SNTG1: variants seen among roughly 807,000 people sequenced by gnomAD.
SNTG1 encodes the protein gamma-1-syntrophin.
In SNTG1, 39 loss-of-function variants were observed where a neutral mutation model predicts 74.7. The observed-to-expected ratio is 0.52, with a 90% CI of 0.40 to 0.68. The LOEUF is 0.68. Among genes scored for constraint, SNTG1 ranks in the 30% least tolerant of loss-of-function variants. SNTG1 has a pLI of 0.00. For synonymous variants in SNTG1, 254 were observed against 217.1 expected (o/e 1.17, Z -1.49); for missense variants, 685 against 609.5 (o/e 1.12, Z -1.30).
chr8:49,968,545 A>T (rs1325774566), intron 1 of SNTG1, among the ~76,000 whole-genome samples: 1 of 152,200 alleles, frequency 6.6e-6, no homozygotes, highest in Non-Finnish European at 1.5e-5. Context: ...TAAGGGCAAG[A>T]ACTTGTAATA....
chr8:49,921,575 C>T (rs980389834), intron 1 of SNTG1, among the ~76,000 whole-genome samples: 1 of 152,020 alleles, frequency 6.6e-6, no homozygotes, highest in East Asian at 1.9e-4. Flanking sequence ...GTGTTATCTC[C>T]CTTATTGCTT....
chr8:50,728,873 C>A (rs2095506269), intron 17 of SNTG1, among the ~76,000 whole-genome samples: 1 of 152,180 alleles, frequency 6.6e-6, no homozygotes, highest in South Asian at 2.1e-4. Context: ...ATATTCTTAT[C>A]TCATTCCACT....
chr8:50,097,541 A>G (rs1437414241), intron 1 of SNTG1, among the ~76,000 whole-genome samples: 1 of 151,918 alleles, frequency 6.6e-6, no homozygotes, highest in Non-Finnish European at 1.5e-5. Flanking sequence ...AGTCCCAGCT[A>G]CTCGGGAGGC....
chr8:50,510,676 C>T (rs1246068258), intron 9 of SNTG1, among the ~76,000 whole-genome samples: 6 of 152,156 alleles, frequency 3.9e-5, no homozygotes, highest in Non-Finnish European at 7.4e-5. Flanking sequence ...TTATCCATTT[C>T]TTCTAGGTTT....
At chr8:50,138,232 A>T (rs773985565) in intron 1 of SNTG1, among the ~76,000 whole-genome samples, 2 of 152,062 alleles carry the variant, frequency 1.3e-5, no homozygotes, top group African/African-American at 2.4e-5. Context: ...TTTTCCACGG[A>T]TGACGAAAGC....
chr8:50,113,846 A>G (rs2080704801), intron 1 of SNTG1, among the ~76,000 whole-genome samples: 1 of 152,152 alleles, frequency 6.6e-6, no homozygotes, highest in Admixed American at 6.5e-5. Context: ...CCAACATGGC[A>G]CATGTATATA....
chr8:50,339,645 A>C (rs1449943709), intron 2 of SNTG1, among the ~76,000 whole-genome samples: 1 of 151,894 alleles, frequency 6.6e-6, no homozygotes. Flanking sequence ...AATATAAATA[A>C]AATTGATATA....
intron 5 of SNTG1, among the ~76,000 whole-genome samples, chr8:50,442,822 T>G (rs2093370783): frequency 1.3e-5 from 2 of 152,176 alleles, no homozygotes; most frequent in African/African-American, 4.8e-5. Flanking sequence ...CATAGTCTGC[T>G]GCCTGTTCTC....
chr8:50,573,484 G>C (rs1419529884), intron 12 of SNTG1, among the ~76,000 whole-genome samples: 1 of 151,818 alleles, frequency 6.6e-6, no homozygotes, highest in Non-Finnish European at 1.5e-5. Context: ...AGTGGAATGA[G>C]TTTCTAAGAA....
At chr8:50,600,195 C>G (rs951440485) in intron 13 of SNTG1, among the ~76,000 whole-genome samples, 2 of 151,752 alleles carry the variant, frequency 1.3e-5, no homozygotes, top group Admixed American at 6.6e-5. Context: ...GTTGAATTTG[C>G]GTTGACAGTA....
chr8:50,549,519 G>A (rs1211110842), intron 11 of SNTG1, among the ~76,000 whole-genome samples: 1 of 151,980 alleles, frequency 6.6e-6, no homozygotes, highest in Non-Finnish European at 1.5e-5. Flanking sequence ...TCACCCCACA[G>A]AGAGATATTT....
At chr8:50,307,178 G>T (rs538186347) in intron 2 of SNTG1, among the ~76,000 whole-genome samples, 22 of 152,016 alleles carry the variant, frequency 1.4e-4, no homozygotes, top group African/African-American at 5.1e-4. Flanking sequence ...TAGTTCTGAC[G>T]ACCAAGGTGT....
chr8:50,108,096 C>A (rs1036610832), intron 1 of SNTG1, among the ~76,000 whole-genome samples: 1 of 152,122 alleles, frequency 6.6e-6, no homozygotes, highest in African/African-American at 2.4e-5. Flanking sequence ...GATGAGGTAG[C>A]CACCAACGTG....
intron 17 of SNTG1, among the ~76,000 whole-genome samples, chr8:50,743,490 A>C (rs1172985083): frequency 6.6e-6 from 1 of 151,888 alleles, no homozygotes; most frequent in Non-Finnish European, 1.5e-5. Flanking sequence ...AACTAGGAAT[A>C]GAAAGATATT....
At chr8:50,171,024 A>G (rs1235996816) in intron 1 of SNTG1, among the ~76,000 whole-genome samples, 1 of 152,060 alleles carries the variant, frequency 6.6e-6, no homozygotes, top group Non-Finnish European at 1.5e-5. Context: ...TTAATTCAAA[A>G]TTGACTGATT....
rs117184069 is a variant in SNTG1, at chr8:50,432,459, C to T, written c.163-6084C>T. ...CCTAGGTCAAGCATCCTGAGTCCTC[C>T]AACTTTATTCTTCTTCAGTATTGTA... is the stretch of plus-strand genomic sequence containing the variant. On this transcript the variant is annotated intron_variant, in intron 4 of 18. Transcript: ENST00000642720. Among the ~76,000 whole-genome samples, 1,220 of 152,114 alleles carry T rather than the reference C, an allele frequency of 8.0e-3. 13 individuals are homozygous for T. Among genetic ancestry groups the T allele is most frequent in the Middle Eastern group, 0.017 (5 of 292 alleles).
At chr8:50,516,185 C>G (rs2094132541) in intron 9 of SNTG1, among the ~76,000 whole-genome samples, 1 of 152,140 alleles carries the variant, frequency 6.6e-6, no homozygotes. Context: ...CAAAATCCAG[C>G]AGACTTGCAA....
chr8:50,721,807 G>T (rs551747938), intron 17 of SNTG1, among the ~76,000 whole-genome samples: 1 of 152,236 alleles, frequency 6.6e-6, no homozygotes, highest in Admixed American at 6.5e-5. Context: ...AGCTCTTGCA[G>T]GGATCAGAGA....
At chr8:49,944,211 A>C (rs1236933748) in intron 1 of SNTG1, among the ~76,000 whole-genome samples, 1 of 152,024 alleles carries the variant, frequency 6.6e-6, no homozygotes, top group East Asian at 1.9e-4. Flanking sequence ...TCACTGAGAA[A>C]AGGGCAGCTC....
Sources: gnomAD v4.1 joint callset for allele counts (sites outside exome capture counted in the v4.1 genomes callset) on GRCh38, gnomAD v4.1.1 for gene constraint, MANE v1.5 for transcripts, NCBI Gene and HGNC (gene_info 2026-07-23, HGNC 2026-07-21) for gene names.